RC3H1: variants seen among roughly 807,000 people sequenced by gnomAD.
RC3H1 encodes the protein roquin-1.
RC3H1 carries 50 observed loss-of-function variants against 138.2 expected under a neutral mutation model. The ratio of observed to expected loss-of-function variants is 0.36; its 90% CI spans 0.29 to 0.46. The LOEUF is 0.46. Ranked by LOEUF, RC3H1 falls within the 20% of genes least tolerant of loss-of-function variation. The pLI is 1.00. For synonymous variants in RC3H1, 462 were observed against 489.1 expected, an observed-to-expected ratio of 0.94 and a Z score of 0.73; for missense variants, 1,031 against 1,388.1, an observed-to-expected ratio of 0.74 and a Z score of 4.09.
intron 19 of RC3H1, 123 bp from the exon 20 acceptor site, chr1:173,938,994 A>G (rs564280212): frequency 1.4e-6 from 1 of 697,770 alleles, no homozygotes; most frequent in South Asian, 2.9e-5. Flanking sequence ...TTTAATCTAC[A>G]GCCCCTTATC....
intron 7 of RC3H1, among the ~76,000 whole-genome samples, chr1:173,976,852 C>T (rs1173220520): frequency 2.6e-4 from 40 of 151,924 alleles, no homozygotes; most frequent in Admixed American, 2.6e-3. Context: ...GAGTGTCAAA[C>T]CTTATTCCGT....
chr1:173,968,226 CCAGAATTTT>C (rs1403054362), intron 9 of RC3H1, among the ~76,000 whole-genome samples: 1 of 152,160 alleles, frequency 6.6e-6, no homozygotes, highest in Non-Finnish European at 1.5e-5. Context: ...TCTAAAACTT[CCAGAATTTT>C]CAGAATTTTC....
chr1:173,945,411 C>T (rs1197066000), intron 17 of RC3H1, among the ~76,000 whole-genome samples: 1 of 151,952 alleles, frequency 6.6e-6, no homozygotes, highest in Admixed American at 6.5e-5. Flanking sequence ...CAAGCATGAA[C>T]CACCACGTCC....
At chr1:173,940,448 G>C (rs1400846969) in intron 19 of RC3H1, among the ~76,000 whole-genome samples, 4 of 151,992 alleles carry the variant, frequency 2.6e-5, no homozygotes, top group African/African-American at 9.7e-5. Flanking sequence ...TCCAGCCTGG[G>C]CAACAAGAGT....
chr1:174,015,434 C>T (rs1420295375), intron 1 of RC3H1, among the ~76,000 whole-genome samples: 1 of 151,688 alleles, frequency 6.6e-6, no homozygotes, highest in Non-Finnish European at 1.5e-5. Flanking sequence ...ATGATTTCAG[C>T]TCACTGCAAC....
intron 5 of RC3H1, among the ~76,000 whole-genome samples, chr1:173,981,497 A>G (rs1019609953): frequency 1.3e-5 from 2 of 152,206 alleles, no homozygotes; most frequent in Non-Finnish European, 2.9e-5. Flanking sequence ...ATATACATTC[A>G]GTTTAAGGTG....
rs144947758 is a variant in RC3H1, at chr1:173,978,416, A to T, written c.1102+72T>A. 82 of 1,514,098 alleles carry T rather than the reference A, an allele frequency of 5.4e-5. 2 individuals carry two copies. In the Middle Eastern group the frequency reaches 1.0e-3, roughly 19 times the overall value. 93.8% of individuals were successfully genotyped at this position (1,514,098 alleles called of 1,614,324 possible). A position where few individuals can be genotyped will look rare whatever the true frequency, so the allele number is the denominator to read the frequency against. On this transcript the variant is annotated intron_variant, in intron 7 of 19. Transcript: ENST00000367696. ...TGGGAAACCCTAGAGGAACAACAAAAGATAATTAAAGAATCATTGAGCAGC... is the reference window on the plus strand; with the variant it reads ...TGGGAAACCCTAGAGGAACAACAAATGATAATTAAAGAATCATTGAGCAGC...
At chr1:173,942,788 C>A (rs1658955044) in intron 18 of RC3H1, among the ~76,000 whole-genome samples, 2 of 151,876 alleles carry the variant, frequency 1.3e-5, no homozygotes, top group African/African-American at 2.4e-5. Flanking sequence ...CGAGATCGCA[C>A]CACTGCACTC....
chr1:173,961,293 T>C, intron 12 of RC3H1, 49 bp from the exon 13 acceptor site: 1 of 1,491,922 alleles, frequency 6.7e-7, no homozygotes, highest in Non-Finnish European at 9.2e-7. Flanking sequence ...TCAGGACAGA[T>C]TAATTCATTT....
At chr1:174,001,706 T>C (rs1017173209) in intron 1 of RC3H1, among the ~76,000 whole-genome samples, 2 of 152,132 alleles carry the variant, frequency 1.3e-5, no homozygotes, top group Non-Finnish European at 2.9e-5. Flanking sequence ...AGGGATTATA[T>C]AGGCATGAGC....
chr1:173,940,364 G>A (rs1291608464), intron 19 of RC3H1, among the ~76,000 whole-genome samples: 4 of 151,980 alleles, frequency 2.6e-5, no homozygotes, highest in African/African-American at 7.2e-5. Context: ...CCAGCTACTC[G>A]AGAGGCTAAG....
intron 9 of RC3H1, among the ~76,000 whole-genome samples, chr1:173,970,028 T>C (rs1255721131): frequency 6.6e-6 from 1 of 152,224 alleles, no homozygotes; most frequent in Non-Finnish European, 1.5e-5. Flanking sequence ...CTGCTTTTCA[T>C]TTTTAAAAAT....
chr1:174,006,355 G>A (rs184230685), intron 1 of RC3H1, among the ~76,000 whole-genome samples: 7 of 152,178 alleles, frequency 4.6e-5, no homozygotes, highest in East Asian at 1.9e-4. Context: ...TGAAACTGTA[G>A]GAGGAAAAGA....
Position 173,961,122 on chromosome 1 carries a change from A to G in RC3H1, c.2325T>C (p.Pro775=), listed in dbSNP as rs752949123. Residue 775 remains proline (P), a synonymous_variant, in exon 13 of 20, where the codon CCT becomes CCC. Transcript: ENST00000367696. ...GAGGCAAGGTTGGTGAAGGTGCAAAAGGAGGTGGAGAGATAACCTTTCTTT... is the reference window on the plus strand; with the variant it reads ...GAGGCAAGGTTGGTGAAGGTGCAAAGGGAGGTGGAGAGATAACCTTTCTTT... ...LEERKVISPP[P]FAPSPTLPPT... is the part of the protein sequence containing the mutation. The G allele has an allele frequency of 1.2e-6, 2 of 1,613,982 alleles. No homozygotes were observed. The highest frequency in any genetic ancestry group is 1.7e-6 in the Non-Finnish European group (2 of 1,179,946).
intron 14 of RC3H1, among the ~76,000 whole-genome samples, chr1:173,951,090 C>T (rs183575287): frequency 3.3e-4 from 49 of 149,850 alleles, no homozygotes; most frequent in Non-Finnish European, 4.8e-4. Flanking sequence ...TTTGGAAGGC[C>T]GAGGCGGGTG....
chr1:173,972,991 G>A (rs1490558318), intron 7 of RC3H1, among the ~76,000 whole-genome samples: 1 of 152,214 alleles, frequency 6.6e-6, no homozygotes, highest in Non-Finnish European at 1.5e-5. Flanking sequence ...CTCAGCTTTA[G>A]ATGATTGTTG....
At chr1:173,971,200 G>T (rs1286315162) in intron 8 of RC3H1, among the ~76,000 whole-genome samples, 1 of 152,052 alleles carries the variant, frequency 6.6e-6, no homozygotes, top group Non-Finnish European at 1.5e-5. Context: ...GACCTCAAAT[G>T]ATCCGCCTGC....
intron 1 of RC3H1, among the ~76,000 whole-genome samples, chr1:174,017,783 CAAAAAAAAAAAAAA>C (rs61239660): frequency 5.6e-5 from 4 of 72,034 alleles, no homozygotes; most frequent in East Asian, 8.8e-4. Context: ...TTTTCTTGCT[CAAAAAAAAAAAAAA>C]AAAAAAAAAA....
intron 11 of RC3H1, 50 bp downstream of exon 11, chr1:173,963,923 G>T: frequency 6.8e-7 from 1 of 1,472,188 alleles, no homozygotes; most frequent in Non-Finnish European, 9.4e-7. Context: ...CTGAAGAACA[G>T]TTCTGATAAT....
Sources: allele counts gnomAD v4.1 joint callset (sites outside exome capture counted in the v4.1 genomes callset), GRCh38; gene constraint gnomAD v4.1.1; transcripts MANE v1.5; gene names NCBI Gene and HGNC (gene_info 2026-07-23, HGNC 2026-07-21).